ZNF469: variants seen among roughly 807,000 people sequenced by gnomAD.
The protein encoded by ZNF469 is zinc finger protein 469.
Under a neutral mutation model 1.0 loss-of-function variants are expected in ZNF469, and 1 was observed. The ratio of observed to expected loss-of-function variants is 1.00; its 90% CI spans 0.35 to 4.73. The LOEUF is 4.73. Among genes scored for constraint, ZNF469 ranks in the 30% most tolerant of loss-of-function variants. The probability of loss-of-function intolerance (pLI) is 0.16; values close to 1 mark genes in which losing one functional copy is unlikely to be tolerated. For missense variants in ZNF469, 6,100 were observed against 5,356.3 expected (o/e 1.14, Z -4.33); for synonymous variants, 2,703 against 2,363.4 (o/e 1.14, Z -4.17).
chr16:88,378,567 C>T (rs1288364306), upstream of ZNF469, among the ~76,000 whole-genome samples: 2 of 152,162 alleles, frequency 1.3e-5, no homozygotes, highest in Non-Finnish European at 2.9e-5. Context: ...ATAGGGAGCG[C>T]CGAGTCTGCA....
At chr16:88,125,992 G>A in the ZNF469 span, among the ~76,000 whole-genome samples, 4 of 151,424 alleles carry the variant, frequency 2.6e-5, no homozygotes, top group African/African-American at 9.7e-5. Flanking sequence ...AGTTTGAGAC[G>A]AGCCTGGGCA....
At chr16:88,292,897 G>C in the ZNF469 span, among the ~76,000 whole-genome samples, 2 of 151,868 alleles carry the variant, frequency 1.3e-5, no homozygotes, top group Non-Finnish European at 2.9e-5. Context: ...TCGGACACTG[G>C]TCCGCTAGAC....
At chr16:88,106,294 G>A in the ZNF469 span, among the ~76,000 whole-genome samples, 2 of 152,146 alleles carry the variant, frequency 1.3e-5, no homozygotes, top group African/African-American at 4.8e-5. Context: ...CTCCCTGCTC[G>A]TGATTCACCT....
intron 1 of ZNF469, among the ~76,000 whole-genome samples, chr16:88,384,852 G>A (rs766741248): frequency 6.6e-6 from 1 of 152,078 alleles, no homozygotes; most frequent in Non-Finnish European, 1.5e-5. Flanking sequence ...ACCAGACCCT[G>A]CCTCCAGGTT....
intron 1 of ZNF469, among the ~76,000 whole-genome samples, chr16:88,392,493 A>G (rs1015688236): frequency 3.9e-5 from 6 of 152,222 alleles, no homozygotes; most frequent in African/African-American, 1.4e-4. Flanking sequence ...CGTTCCTTAA[A>G]ATAGGGTCGG....
At chr16:88,368,025 A>G in the ZNF469 span, among the ~76,000 whole-genome samples, 1 of 152,222 alleles carries the variant, frequency 6.6e-6, no homozygotes, top group Non-Finnish European at 1.5e-5. Flanking sequence ...TCCTCCCTAC[A>G]CAGGATGAGA....
chr16:88,439,556 T>C lies in ZNF469; in HGVS notation c.*224T>C, dbSNP rs1906858384. 1 of 591,286 alleles carries C rather than the reference T, an allele frequency of 1.7e-6. No homozygotes were observed. The highest frequency in any genetic ancestry group is 3.0e-6 in the Non-Finnish European group (1 of 334,578). 36.6% of individuals were successfully genotyped at this position (591,286 alleles called of 1,614,324 possible). A position where few individuals can be genotyped will look rare whatever the true frequency, so the allele number is the denominator to read the frequency against. On this transcript the variant is annotated 3_prime_UTR_variant, in exon 3 of 3. Transcript: ENST00000565624. ...GGCTGGGGGTGAAAGACGGGGCCAC[T>C]GCAGCCCTTTTGAGACCACACAGCT...
Position 88,434,304 on chromosome 16 carries a change from C to G in ZNF469, c.6834C>G (p.Ser2278=), listed in dbSNP as rs995224333. 4 of 1,550,370 alleles carry G rather than the reference C, an allele frequency of 2.6e-6. No homozygotes were observed. The South Asian group carries it at 3.6e-5, about 14-fold the overall frequency. ...CTCCTCCTCTGGCAGGGGCCGTCTC[C>G]CCCAGCGTGGCCGTCAGGGCTACTG... ...ATSPPLAGAV[S]PSVAVRATGL... is the part of the protein sequence containing the mutation. Residue 2278 remains serine, a synonymous_variant, in exon 3 of 3, where the codon TCC becomes TCG. Coordinates refer to ENST00000565624, the MANE Select transcript of ZNF469 (RefSeq NM_001367624.2).
chr16:88,276,399 G>A, the ZNF469 span: 1 of 152,160 alleles, frequency 6.6e-6, no homozygotes, highest in Non-Finnish European at 1.5e-5. Context: ...GCCCACCCTG[G>A]GGGGCTGCAC....
chr16:88,415,395 G>C (rs943566048), intron 1 of ZNF469, among the ~76,000 whole-genome samples: 30 of 152,168 alleles, frequency 2.0e-4, no homozygotes, highest in African/African-American at 7.2e-4. Flanking sequence ...ACCTCAGCCA[G>C]ACTCCACCCC....
the ZNF469 span, among the ~76,000 whole-genome samples, chr16:88,142,946 G>A: frequency 1.3e-5 from 2 of 152,122 alleles, no homozygotes; most frequent in African/African-American, 2.4e-5. Flanking sequence ...GAGCCCCTGC[G>A]GCAGAATCAG....
the ZNF469 span, among the ~76,000 whole-genome samples, chr16:88,270,388 C>T: frequency 6.6e-6 from 1 of 152,210 alleles, no homozygotes; most frequent in African/African-American, 2.4e-5. Flanking sequence ...CCCATGTGGC[C>T]GGCCAGCTCA....
At chr16:88,331,817 A>G in the ZNF469 span, among the ~76,000 whole-genome samples, 1 of 151,988 alleles carries the variant, frequency 6.6e-6, no homozygotes, top group African/African-American at 2.4e-5. Flanking sequence ...CATCACCACC[A>G]TCACTATCAT....
rs1284968929 is a variant in ZNF469, at chr16:88,434,120, G to A, written c.6650G>A (p.Gly2217Glu). The change falls in exon 3 of 3, where the codon GGG (glycine) becomes GAG (glutamate). Residue 2217 changes from glycine to glutamate, a missense_variant. By Grantham distance (98) the Gly-to-Glu change is moderately conservative. Transcript: ENST00000565624. ...KEALAGCLLQGEGSPLEDPSS... is the reference protein window; with the variant it reads ...KEALAGCLLQEEGSPLEDPSS... ...GCCCTGGCTGGTTGCCTTCTCCAGGGGGAGGGCAGCCCCCTGGAAGACCCT... is the reference window on the plus strand; with the variant it reads ...GCCCTGGCTGGTTGCCTTCTCCAGGAGGAGGGCAGCCCCCTGGAAGACCCT... The A allele has an allele frequency of 6.5e-7, 1 of 1,550,328 alleles. No homozygotes were observed. The highest frequency in any genetic ancestry group is 1.4e-5 in the African/African-American group (1 of 73,152).
At chr16:88,135,607 C>T in the ZNF469 span, among the ~76,000 whole-genome samples, 9 of 152,116 alleles carry the variant, frequency 5.9e-5, no homozygotes, top group African/African-American at 1.9e-4. Flanking sequence ...GCCAGGGGAG[C>T]ACTCACACCC....
the ZNF469 span, among the ~76,000 whole-genome samples, chr16:88,291,025 G>T: frequency 1.3e-5 from 2 of 152,204 alleles, no homozygotes; most frequent in Non-Finnish European, 2.9e-5. Context: ...TATCTGGGAA[G>T]TCTCGCTGAG....
the ZNF469 span, among the ~76,000 whole-genome samples, chr16:88,252,988 TG>T: frequency 6.6e-6 from 1 of 152,240 alleles, no homozygotes; most frequent in Non-Finnish European, 1.5e-5. Flanking sequence ...GCCGGTTTTT[TG>T]CTTCACATGG....
the ZNF469 span, among the ~76,000 whole-genome samples, chr16:88,324,600 C>T: frequency 6.6e-6 from 1 of 152,238 alleles, no homozygotes; most frequent in Admixed American, 6.5e-5. Context: ...AGTTGCTGCT[C>T]CTTGCAGAGC....
upstream of ZNF469, among the ~76,000 whole-genome samples, chr16:88,381,287 CGCACTCACACACAT>C (rs1425522923): frequency 1.0e-3 from 149 of 149,362 alleles, no homozygotes; most frequent in Middle Eastern, 3.6e-3. Context: ...CTCACACACA[CGCACTCACACACAT>C]GCACTCATGC....
Sources: gnomAD v4.1 joint callset for allele counts (sites outside exome capture counted in the v4.1 genomes callset) on GRCh38, gnomAD v4.1.1 for gene constraint, MANE v1.5 for transcripts, NCBI Gene and HGNC (gene_info 2026-07-23, HGNC 2026-07-21) for gene names.